The following EGFR variants were observed in gnomAD, a reference collection of about 807,000 sequenced individuals.
The protein encoded by EGFR is avian erythroblastic leukemia viral (v-erb-b) oncogene homolog.
In EGFR, 58 loss-of-function variants were observed where a neutral mutation model predicts 143.0. The ratio of observed to expected loss-of-function variants is 0.41; its 90% CI spans 0.33 to 0.50. The LOEUF (loss-of-function observed/expected upper bound fraction) is 0.50. Among genes scored for constraint, EGFR ranks in the 20% least tolerant of loss-of-function variants. The pLI, the probability that EGFR is intolerant of heterozygous loss-of-function variation, is 0.39. For missense variants in EGFR, 1,307 were observed against 1,579.0 expected, an observed-to-expected ratio of 0.83 and a Z score of 2.92; for synonymous variants, 613 against 594.4, an observed-to-expected ratio of 1.03 and a Z score of -0.45.
At chr7:55,132,176 A>G (rs1003032140) in intron 1 of EGFR, among the ~76,000 whole-genome samples, 2 of 152,230 alleles carry the variant, frequency 1.3e-5, no homozygotes, top group Non-Finnish European at 2.9e-5. Context: ...TAAAAATTGA[A>G]GAAAAATTTT....
intron 27 of EGFR, among the ~76,000 whole-genome samples, chr7:55,204,622 CACAG>C (rs1788029778): frequency 1.6e-5 from 2 of 124,178 alleles, no homozygotes; most frequent in Non-Finnish European, 3.4e-5. Flanking sequence ...ACACACACAC[CACAG>C]ACACACACCA....
chr7:55,112,198 G>T (rs1020061086), intron 1 of EGFR, among the ~76,000 whole-genome samples: 10 of 152,222 alleles, frequency 6.6e-5, no homozygotes, highest in Non-Finnish European at 1.5e-4. Context: ...TCACCCCTTC[G>T]GGTCTCATTG....
chr7:55,174,529 C>T (rs559000040), intron 18 of EGFR, among the ~76,000 whole-genome samples, 193 bp from the exon 19 acceptor site: 1 of 152,314 alleles, frequency 6.6e-6, no homozygotes, highest in African/African-American at 2.4e-5. Flanking sequence ...CAGTGTGATT[C>T]GTGGAGCCCA....
chr7:55,142,024 A>G (rs1278238986), intron 1 of EGFR, among the ~76,000 whole-genome samples: 1 of 152,126 alleles, frequency 6.6e-6, no homozygotes, highest in Non-Finnish European at 1.5e-5. Flanking sequence ...TCTTATTATG[A>G]ATTGCACCTT....
chr7:55,157,461 G>A lies in EGFR; in HGVS notation c.1208-202G>A, dbSNP rs569404989. Among the ~76,000 whole-genome samples, 10 of 152,342 alleles carry A rather than the reference G, an allele frequency of 6.6e-5. No homozygotes were observed. The East Asian group carries it at 9.6e-4, about 15-fold the overall frequency. On this transcript the variant is annotated intron_variant, in intron 10 of 27. Coordinates refer to ENST00000275493, the MANE Select transcript of EGFR (RefSeq NM_005228.5). The stretch of plus-strand genomic sequence containing the variant: ...CATGCGGAATCGCAGCGGAAGGCGG[G>A]AGGCAGCTGTGAACTGTGGCTCGGC...
At chr7:55,047,224 G>A (rs1301240830) in intron 1 of EGFR, among the ~76,000 whole-genome samples, 3 of 152,194 alleles carry the variant, frequency 2.0e-5, no homozygotes, top group African/African-American at 7.2e-5. Flanking sequence ...CTGATTGCAG[G>A]CCATTTGCTG....
intron 1 of EGFR, among the ~76,000 whole-genome samples, chr7:55,124,977 T>G (rs1793437166): frequency 6.6e-6 from 1 of 152,226 alleles, no homozygotes; most frequent in African/African-American, 2.4e-5. Context: ...TGGTGCACTG[T>G]TTTGCAAAGT....
chr7:55,036,458 A>T (rs1431087302), intron 1 of EGFR, among the ~76,000 whole-genome samples: 1 of 152,128 alleles, frequency 6.6e-6, no homozygotes, highest in African/African-American at 2.4e-5. Flanking sequence ...TTCTTGAAAA[A>T]TTCAGGGAGT....
chr7:55,173,789 G>A (rs1323771868), intron 17 of EGFR, 132 bp from the exon 18 acceptor site: 3 of 1,406,206 alleles, frequency 2.1e-6, no homozygotes, highest in Non-Finnish European at 3.0e-6. Flanking sequence ...CAAATGAGCT[G>A]GCAAGTGCCG....
chr7:55,191,966 G>A (rs1051820591), intron 21 of EGFR, 92 bp downstream of exon 21: 1 of 1,572,864 alleles, frequency 6.4e-7, no homozygotes, highest in African/African-American at 1.3e-5. Flanking sequence ...ACATGCAGGG[G>A]AGGATGCTCT....
At chr7:55,141,009 G>A (rs895908129) in intron 1 of EGFR, among the ~76,000 whole-genome samples, 6 of 152,194 alleles carry the variant, frequency 3.9e-5, no homozygotes, top group Non-Finnish European at 4.4e-5. Flanking sequence ...GAACAAAGAA[G>A]CCTGTAAAAT....
At chr7:55,023,665 A>C (rs572993358) in intron 1 of EGFR, among the ~76,000 whole-genome samples, 51 of 151,974 alleles carry the variant, frequency 3.4e-4, no homozygotes, top group Middle Eastern at 6.8e-3. Context: ...AAAAAAAAAA[A>C]AAAACAGATT....
chr7:55,096,358 T>C (rs1444403206), intron 1 of EGFR, among the ~76,000 whole-genome samples: 2 of 152,206 alleles, frequency 1.3e-5, no homozygotes. Flanking sequence ...ACCCCATGTG[T>C]TTAAATTTGC....
intron 20 of EGFR, among the ~76,000 whole-genome samples, chr7:55,188,573 G>C (rs998074162): frequency 2.6e-5 from 4 of 152,098 alleles, no homozygotes; most frequent in African/African-American, 4.8e-5. Flanking sequence ...TTAAAGTGAG[G>C]GTCTCGGAGA....
intron 1 of EGFR, among the ~76,000 whole-genome samples, chr7:55,050,595 G>A (rs532148113): frequency 6.6e-6 from 1 of 152,260 alleles, no homozygotes; most frequent in African/African-American, 2.4e-5. Context: ...ATCTGATCAA[G>A]TCACTCCCCA....
At chr7:55,062,971 C>G (rs572200046) in intron 1 of EGFR, among the ~76,000 whole-genome samples, 1 of 152,068 alleles carries the variant, frequency 6.6e-6, no homozygotes, top group South Asian at 2.1e-4. Context: ...ACCACGGTTC[C>G]CTTTTTACAG....
chr7:55,039,437 C>A lies in EGFR; in HGVS notation c.88+20072C>A, dbSNP rs111786086. Among the ~76,000 whole-genome samples the A allele has an allele frequency of 7.1e-3, 1,085 of 152,248 alleles. 9 individuals are homozygous for A. Among genetic ancestry groups the A allele is most frequent in the Middle Eastern group, 0.031 (9 of 294 alleles). On this transcript the variant is annotated intron_variant, in intron 1 of 27. Coordinates refer to ENST00000275493, the MANE Select transcript of EGFR (RefSeq NM_005228.5). ...AAGACACCCAGTGGGAAGACCAGGACCTTTAACGCCCATATCTGCTGCTCA... is the reference window on the plus strand; with the variant it reads ...AAGACACCCAGTGGGAAGACCAGGAACTTTAACGCCCATATCTGCTGCTCA...
intron 19 of EGFR, among the ~76,000 whole-genome samples, chr7:55,178,095 C>G (rs1042969916): frequency 6.6e-6 from 1 of 152,200 alleles, no homozygotes; most frequent in African/African-American, 2.4e-5. Context: ...CCAGGTCAGC[C>G]CTGCGAGGCC....
intron 1 of EGFR, among the ~76,000 whole-genome samples, chr7:55,048,502 T>G (rs975673696): frequency 2.4e-4 from 36 of 152,238 alleles, no homozygotes; most frequent in African/African-American, 8.2e-4. Flanking sequence ...GCTTTCAAAG[T>G]GTTTTTGTCT....
Sources: allele counts gnomAD v4.1 joint callset (sites outside exome capture counted in the v4.1 genomes callset), GRCh38; gene constraint gnomAD v4.1.1; transcripts MANE v1.5; gene names NCBI Gene and HGNC (gene_info 2026-07-23, HGNC 2026-07-21).